NPHP4: variants seen among roughly 807,000 people sequenced by gnomAD.
NPHP4 encodes the protein nephrocystin-4.
In NPHP4, 151 loss-of-function variants were observed where a neutral mutation model predicts 155.8. The ratio of observed to expected loss-of-function variants is 0.97; its 90% confidence interval spans 0.85 to 1.11. The LOEUF is 1.11. NPHP4 is among the 50% of genes least tolerant of loss of function. NPHP4 has a pLI of 0.00. For synonymous variants in NPHP4, 845 were observed against 816.8 expected, an observed-to-expected ratio of 1.03 and a Z score of -0.59; for missense variants, 1,956 against 1,925.7, an observed-to-expected ratio of 1.02 and a Z score of -0.29.
chr1:5,888,567 C>T (rs546956143), intron 17 of NPHP4: 6 of 1,351,132 alleles, frequency 4.4e-6, no homozygotes, highest in African/African-American at 3.0e-5. Flanking sequence ...TCGATGATTC[C>T]GGAACCTCAG....
Position 5,969,183 on chromosome 1 carries a change from C to T in NPHP4, c.356G>A (p.Arg119Gln), listed in dbSNP as rs748420916. ...VVEVVAEGKK[R>Q]DGSLQTLSCG... ...GGACAATGTCTGGAGGCTCCCATCC[C>T]GTTTCTTGCCCTCAGCGACCACTTC... Residue 119 changes from arginine to glutamine, a missense_variant, in exon 4 of 30, where the codon CGG becomes CAG. By Grantham distance (43) the Arg-to-Gln change is conservative. Transcript: ENST00000378156. The T allele has an allele frequency of 3.3e-5, 52 of 1,573,026 alleles. No individual in the cohort carries two copies. Among genetic ancestry groups the T allele is most frequent in the Non-Finnish European group, 4.0e-5 (46 of 1,158,452 alleles).
intron 11 of NPHP4, among the ~76,000 whole-genome samples, chr1:5,914,258 A>C (rs371164378): frequency 0.032 from 1,404 of 44,096 alleles, 20 homozygotes; most frequent in African/African-American, 0.12. Context: ...TTATCTATAC[A>C]AAAAAAAAAA....
At chr1:5,968,291 T>C (rs916765014) in intron 4 of NPHP4, among the ~76,000 whole-genome samples, 7 of 151,736 alleles carry the variant, frequency 4.6e-5, no homozygotes, top group Non-Finnish European at 1.0e-4. Context: ...AAAGAACAAT[T>C]CCTTAAGTCA....
At position 5,907,195 on chromosome 1, in the gene NPHP4, G is replaced by A. The variant is rs767648487; in HGVS notation, c.1531C>T (p.Pro511Ser). 1.3e-6 allele frequency: 2 copies of A among 1,586,414 alleles called. No individual in the cohort carries two copies. Among genetic ancestry groups the A allele is most frequent in the Admixed American group, 3.5e-5 (2 of 56,458 alleles). ...AAGCAGTGCTGAGTCGGGGACCGCG[G>A]GGAGGCCGCCAGCTGGGAAATTGAC... The part of the protein sequence containing the change: ...GLSISQLAAS[P>S]RSPTQHCLAR... The change falls in exon 13 of 30, where the codon CCG (proline) becomes TCG (serine). Residue 511 changes from proline (P) to serine (S), a missense_variant. Coordinates refer to ENST00000378156, the MANE Select transcript of NPHP4 (RefSeq NM_015102.5).
chr1:5,901,242 C>T (rs534086443), intron 16 of NPHP4, among the ~76,000 whole-genome samples: 1 of 152,064 alleles, frequency 6.6e-6, no homozygotes, highest in Admixed American at 6.5e-5. Flanking sequence ...CTGTCTTTAC[C>T]GTACGCATGT....
At chr1:5,915,396 T>A (rs1645420971) in intron 11 of NPHP4, among the ~76,000 whole-genome samples, 1 of 152,194 alleles carries the variant, frequency 6.6e-6, no homozygotes, top group Admixed American at 6.5e-5. Context: ...TGAGTCAGTA[T>A]CTAGTGGTAC....
At chr1:5,896,226 C>T (rs998061859) in intron 16 of NPHP4, among the ~76,000 whole-genome samples, 10 of 152,050 alleles carry the variant, frequency 6.6e-5, no homozygotes, top group African/African-American at 2.4e-4. Context: ...CAGGGAGGCC[C>T]GAGCACACAC....
chr1:5,874,804 T>C (rs1172582203), intron 21 of NPHP4, 70 bp downstream of exon 21: 1 of 1,554,992 alleles, frequency 6.4e-7, no homozygotes, highest in East Asian at 2.3e-5. Context: ...TCGAGCCAGC[T>C]CAGCAGGGGT....
intron 22 of NPHP4, chr1:5,873,591 C>T (rs1642233720): frequency 1.8e-6 from 1 of 558,206 alleles, no homozygotes; most frequent in Non-Finnish European, 3.2e-6. Context: ...CACCTGCAGT[C>T]CTCACAGCCC....
intron 3 of NPHP4, among the ~76,000 whole-genome samples, chr1:5,976,956 C>G (rs949500140): frequency 6.6e-6 from 1 of 152,158 alleles, no homozygotes; most frequent in African/African-American, 2.4e-5. Flanking sequence ...GCCACTGTCA[C>G]CGCCACTGTT....
At chr1:5,940,650 G>C (rs574932430) in intron 9 of NPHP4, among the ~76,000 whole-genome samples, 52 of 152,126 alleles carry the variant, frequency 3.4e-4, no homozygotes, top group African/African-American at 1.2e-3. Flanking sequence ...TAAAAACACA[G>C]TGCTAATTCA....
chr1:5,898,945 G>C (rs1644533572), intron 16 of NPHP4, among the ~76,000 whole-genome samples: 1 of 152,228 alleles, frequency 6.6e-6, no homozygotes, highest in African/African-American at 2.4e-5. Flanking sequence ...GCCTGTGAAA[G>C]GCACTCGGTA....
In NPHP4 at chr1:5,937,003, G is replaced by A. The variant is rs191578491; in HGVS notation, c.1120-3674C>T. On this transcript the variant is annotated intron_variant, in intron 9 of 29. Transcript: ENST00000378156. ...AGACACAGAGAAGAGGCCACATGAC[G>A]AGGGGGCGGAGAACGGAGTGATATG... Among the ~76,000 whole-genome samples, 7 of 152,356 alleles carry A rather than the reference G, an allele frequency of 4.6e-5. No homozygotes were observed. The East Asian group carries it at 1.3e-3, about 29-fold the overall frequency.
chr1:5,887,947 G>A (rs1643907172), intron 17 of NPHP4, among the ~76,000 whole-genome samples: 1 of 152,226 alleles, frequency 6.6e-6, no homozygotes, highest in African/African-American at 2.4e-5. Flanking sequence ...GGCAGAGAAG[G>A]CCGGGGAGGC....
chr1:5,898,585 T>A (rs775676358), intron 16 of NPHP4, among the ~76,000 whole-genome samples: 2 of 152,238 alleles, frequency 1.3e-5, no homozygotes, highest in Non-Finnish European at 2.9e-5. Flanking sequence ...TTCCTCCTGA[T>A]CGGGACATGG....
chr1:5,880,019 G>T, intron 19 of NPHP4, 95 bp downstream of exon 19: 1 of 1,376,292 alleles, frequency 7.3e-7, no homozygotes. Context: ...ACACACACAT[G>T]CACACACGCA....
chr1:5,872,683 C>G (rs1445789774), intron 23 of NPHP4, among the ~76,000 whole-genome samples: 1 of 152,150 alleles, frequency 6.6e-6, no homozygotes, highest in Non-Finnish European at 1.5e-5. Flanking sequence ...GTAAGAAAGA[C>G]CAAAGCTTTT....
At chr1:5,907,251 G>T (rs1644954945) in intron 12 of NPHP4, 29 bp from the exon 13 acceptor site, 2 of 1,424,204 alleles carry the variant, frequency 1.4e-6, no homozygotes, top group African/African-American at 2.8e-5. Context: ...CAGGTGAGGG[G>T]CTCAGAAGCT....
At chr1:5,900,952 T>C (rs1014041564) in intron 16 of NPHP4, among the ~76,000 whole-genome samples, 31 of 152,120 alleles carry the variant, frequency 2.0e-4, no homozygotes, top group African/African-American at 7.2e-4. Context: ...GGAGGATTGT[T>C]TGGGCCCAGG....
Sources: gnomAD v4.1 joint callset for allele counts (sites outside exome capture counted in the v4.1 genomes callset) on GRCh38, gnomAD v4.1.1 for gene constraint, MANE v1.5 for transcripts, NCBI Gene and HGNC (gene_info 2026-07-23, HGNC 2026-07-21) for gene names.